Variants in ARPP21 observed in about 807,000 individuals in gnomAD.
ARPP21 encodes cAMP regulated phosphoprotein 21, also known as cAMP-regulated phosphoprotein 21.
In ARPP21, 69 loss-of-function variants were observed where a neutral mutation model predicts 113.2. That is an observed-to-expected ratio of 0.61 (90% CI 0.50 to 0.74). ARPP21 has a LOEUF of 0.74. Ranked by LOEUF, ARPP21 falls within the 30% of genes least tolerant of loss-of-function variation. The pLI is 0.00. For missense variants in ARPP21, 1,070 were observed against 1,037.4 expected, an observed-to-expected ratio of 1.03 and a Z score of -0.43; for synonymous variants, 368 against 375.5, an observed-to-expected ratio of 0.98 and a Z score of 0.23.
chr3:35,680,465 CCAT>C (rs767767716), intron 2 of ARPP21, among the ~76,000 whole-genome samples: 5 of 151,884 alleles, frequency 3.3e-5, no homozygotes, highest in Non-Finnish European at 7.4e-5. Context: ...TCATTAGATA[CCAT>C]CTGTTTTGTC....
intron 19 of ARPP21, among the ~76,000 whole-genome samples, chr3:35,775,998 G>C (rs1005744805): frequency 6.6e-6 from 1 of 152,050 alleles, no homozygotes; most frequent in Non-Finnish European, 1.5e-5. Flanking sequence ...ACTTTAACAT[G>C]TCTTTAATTT....
At chr3:35,684,164 T>C in intron 5 of ARPP21, 1 of 1,387,456 alleles carries the variant, frequency 7.2e-7, no homozygotes, top group Non-Finnish European at 9.4e-7. Context: ...GTATCCTCTC[T>C]CCTTCCTTGT....
chr3:35,766,290 G>T (rs1294869499), intron 19 of ARPP21, among the ~76,000 whole-genome samples: 1 of 152,126 alleles, frequency 6.6e-6, no homozygotes, highest in African/African-American at 2.4e-5. Flanking sequence ...TTCACAAGTT[G>T]GAGTAGTAAT....
At chr3:35,788,189 G>C (rs1337540956) in intron 19 of ARPP21, among the ~76,000 whole-genome samples, 1 of 152,124 alleles carries the variant, frequency 6.6e-6, no homozygotes, top group Non-Finnish European at 1.5e-5. Context: ...TAAAGACAGG[G>C]CTTTTCTGGA....
At chr3:35,758,402 C>T (rs780311075) in intron 19 of ARPP21, among the ~76,000 whole-genome samples, 36 of 152,000 alleles carry the variant, frequency 2.4e-4, no homozygotes, top group Non-Finnish European at 3.7e-4. Context: ...AAGGACAATG[C>T]CATAGAAGTT....
rs757682903 is a variant in ARPP21 at position 35,729,473 on chromosome 3, C to A, written c.1396C>A (p.Leu466Ile). Residue 466 changes from leucine (L) to isoleucine (I), a missense_variant, in exon 15 of 21, where the codon CTC becomes ATC. Leu to Ile is a conservative substitution (Grantham distance 5). Coordinates refer to ENST00000684406, the MANE Select transcript of ARPP21 (RefSeq NM_001385562.1). Reference protein sequence around the residue: ...QVAPSSTSYILLPLEAATGIP... With the variant: ...QVAPSSTSYIILPLEAATGIP... ...TGCTCCCAGCAGCACCAGCTACATC[C>A]TCCTTCCACTTGAAGCTGCAACAGG... 4.3e-6 allele frequency: 7 copies of A among 1,614,144 alleles called. No individual in the cohort carries two copies. The highest frequency in any genetic ancestry group is 5.9e-6 in the Non-Finnish European group (7 of 1,180,064).
At chr3:35,708,303 G>A (rs1340788697) in intron 10 of ARPP21, among the ~76,000 whole-genome samples, 1 of 152,156 alleles carries the variant, frequency 6.6e-6, no homozygotes, top group Non-Finnish European at 1.5e-5. Context: ...CAGTCCTCAT[G>A]CTGGGTTCTT....
At chr3:35,753,796 T>G (rs1361653270) in intron 19 of ARPP21, among the ~76,000 whole-genome samples, 1 of 151,910 alleles carries the variant, frequency 6.6e-6, no homozygotes, top group Admixed American at 6.6e-5. Context: ...AAGTAAGAAA[T>G]AAGGTTATTG....
intron 14 of ARPP21, among the ~76,000 whole-genome samples, chr3:35,728,152 TTAATAATAATAATAATAATAA>T (rs3086922): frequency 7.7e-6 from 1 of 129,590 alleles, no homozygotes; most frequent in Admixed American, 8.7e-5. Context: ...ATATATTACA[TTAATAATAATAATAATAATAA>T]TAATAATAAT....
At chr3:35,732,777 C>G (rs1482800265) in intron 15 of ARPP21, among the ~76,000 whole-genome samples, 2 of 152,150 alleles carry the variant, frequency 1.3e-5, no homozygotes, top group East Asian at 3.8e-4. Context: ...TTTGAGGAGC[C>G]TTTTAGAGCT....
At chr3:35,722,001 A>G (rs1181012927) in intron 14 of ARPP21, among the ~76,000 whole-genome samples, 167 bp downstream of exon 14, 1 of 152,194 alleles carries the variant, frequency 6.6e-6, no homozygotes, top group Non-Finnish European at 1.5e-5. Flanking sequence ...GACTCTTTCC[A>G]GTTATGTGCC....
chr3:35,693,993 A>C (rs1012249917), intron 9 of ARPP21, among the ~76,000 whole-genome samples: 28 of 151,578 alleles, frequency 1.8e-4, no homozygotes, highest in African/African-American at 6.8e-4. Flanking sequence ...TAGAGGGAAA[A>C]AAAACTTCCT....
At chr3:35,712,501 G>T (rs1168168841) in intron 11 of ARPP21, among the ~76,000 whole-genome samples, 1 of 147,042 alleles carries the variant, frequency 6.8e-6, no homozygotes, top group Admixed American at 6.8e-5. Flanking sequence ...ATATATCTTG[G>T]TGTCTAAGGT....
At chr3:35,728,281 C>G (rs974605618) in intron 14 of ARPP21, among the ~76,000 whole-genome samples, 4 of 132,014 alleles carry the variant, frequency 3.0e-5, no homozygotes, top group African/African-American at 1.2e-4. Flanking sequence ...TGCAGTGGTG[C>G]AATCTCGGCT....
chr3:35,649,261 A>C (rs1701454234), intron 1 of ARPP21, among the ~76,000 whole-genome samples: 1 of 152,190 alleles, frequency 6.6e-6, no homozygotes, highest in Non-Finnish European at 1.5e-5. Flanking sequence ...TGAGAGGACA[A>C]AAACCTGCCC....
chr3:35,719,689 G>A (rs1257825929), intron 13 of ARPP21, among the ~76,000 whole-genome samples: 1 of 152,188 alleles, frequency 6.6e-6, no homozygotes, highest in East Asian at 1.9e-4. Context: ...GGGAACAAGG[G>A]ATCACCCCCA....
chr3:35,764,793 C>T (rs997734016), intron 19 of ARPP21, among the ~76,000 whole-genome samples: 2 of 152,040 alleles, frequency 1.3e-5, no homozygotes, highest in Admixed American at 6.6e-5. Context: ...GTAAGGACAC[C>T]ACTTTTACTA....
At chr3:35,668,342 G>A (rs1186050960) in intron 1 of ARPP21, among the ~76,000 whole-genome samples, 1 of 152,134 alleles carries the variant, frequency 6.6e-6, no homozygotes, top group Non-Finnish European at 1.5e-5. Flanking sequence ...ATCTTGGTGA[G>A]CCTAGTGGAT....
Position 35,792,523 on chromosome 3 carries a change from C to T in ARPP21, c.2279C>T (p.Ser760Phe). 1 of 1,614,072 alleles carries T rather than the reference C, an allele frequency of 6.2e-7. No homozygotes were observed. Among genetic ancestry groups the T allele is most frequent in the Non-Finnish European group, 8.5e-7 (1 of 1,179,940 alleles). ...ATGGTTTCCTACCCAACAATGTCTT[C>T]TTATCAGGTGCTCATAAGCAGCTTG... ...SVMVSYPTMSSYQVPMTQGSQ... is the reference protein window; with the variant it reads ...SVMVSYPTMSFYQVPMTQGSQ... Residue 760 changes from serine (S) to phenylalanine (F), a missense_variant, in exon 20 of 21, where the codon TCT (serine) becomes TTT (phenylalanine). By Grantham distance (155) the Ser-to-Phe change is radical. Coordinates refer to ENST00000684406, the MANE Select transcript of ARPP21 (RefSeq NM_001385562.1).
Sources: gnomAD v4.1 joint callset for allele counts (sites outside exome capture counted in the v4.1 genomes callset) on GRCh38, gnomAD v4.1.1 for gene constraint, MANE v1.5 for transcripts, NCBI Gene and HGNC (gene_info 2026-07-23, HGNC 2026-07-21) for gene names.